The following GPHN variants were observed in gnomAD, a reference collection of about 807,000 sequenced individuals.
GPHN encodes gephyrin.
Under a neutral mutation model 95.5 loss-of-function variants are expected in GPHN, and 17 were observed. That is an observed-to-expected ratio of 0.18 (90% confidence interval 0.12 to 0.27). GPHN has a LOEUF of 0.27. Among genes scored for constraint, GPHN ranks in the 10% least tolerant of loss-of-function variants. GPHN has a pLI of 1.00. For missense variants in GPHN, 660 were observed against 978.1 expected (o/e 0.67, Z 4.34); for synonymous variants, 320 against 322.5 (o/e 0.99, Z 0.08).
the GPHN span, among the ~76,000 whole-genome samples, chr14:67,357,307 G>A: frequency 6.6e-6 from 1 of 152,216 alleles, no homozygotes; most frequent in African/African-American, 2.4e-5. Flanking sequence ...TTTCAGAGCT[G>A]CTCAGTCCTA....
At chr14:67,532,656 C>A in the GPHN span, among the ~76,000 whole-genome samples, 1 of 152,174 alleles carries the variant, frequency 6.6e-6, no homozygotes, top group South Asian at 2.1e-4. Context: ...AGTTCGAGTC[C>A]AGCCTGGGCA....
At chr14:67,214,378 A>C in the GPHN span, among the ~76,000 whole-genome samples, 4 of 152,152 alleles carry the variant, frequency 2.6e-5, no homozygotes, top group African/African-American at 9.7e-5. Context: ...TCAGCTTTCT[A>C]CATATGGCTA....
At chr14:67,279,041 A>T in the GPHN span, 2 of 807,154 alleles carry the variant, frequency 2.5e-6, no homozygotes, top group Admixed American at 3.7e-5. Context: ...ATACTTTTTC[A>T]TAGCATTATT....
At chr14:67,467,796 T>C in the GPHN span, 2 of 151,958 alleles carry the variant, frequency 1.3e-5, no homozygotes, top group Non-Finnish European at 2.9e-5. Flanking sequence ...TGCAGAGAAA[T>C]GTGGTAAATC....
the GPHN span, among the ~76,000 whole-genome samples, chr14:67,391,269 A>ATGTGTGTGTGTG: frequency 1.1e-3 from 152 of 139,636 alleles, 1 homozygote; most frequent in African/African-American, 2.6e-3. Flanking sequence ...TAAGCAGCTG[A>ATGTGTGTGTGTG]TATGTGTGTG....
chr14:67,445,024 G>A, the GPHN span, among the ~76,000 whole-genome samples: 6 of 152,174 alleles, frequency 3.9e-5, no homozygotes, highest in African/African-American at 2.4e-5. Flanking sequence ...GCCTCCCAAA[G>A]TGCTGGGATT....
At chr14:67,156,074 C>T (rs528804854) in intron 18 of GPHN, among the ~76,000 whole-genome samples, 1 of 152,092 alleles carries the variant, frequency 6.6e-6, no homozygotes, top group South Asian at 2.1e-4. Flanking sequence ...CTGTGCGGAC[C>T]TAGACTAAAT....
At chr14:67,412,360 C>G in the GPHN span, among the ~76,000 whole-genome samples, 1 of 152,236 alleles carries the variant, frequency 6.6e-6, no homozygotes, top group East Asian at 1.9e-4. Flanking sequence ...CCTCACTGTT[C>G]CAGTCTCTCT....
At chr14:66,966,182 G>GT (rs1425997201) in intron 9 of GPHN, among the ~76,000 whole-genome samples, 12 of 152,042 alleles carry the variant, frequency 7.9e-5, no homozygotes, top group East Asian at 1.9e-4. Flanking sequence ...TCAAATTATA[G>GT]TTTTTTCTCT....
At chr14:67,170,812 C>A (rs72717324) in intron 21 of GPHN, among the ~76,000 whole-genome samples, 7,744 of 152,320 alleles carry the variant, frequency 0.051, 211 homozygotes, top group Middle Eastern at 0.068. Flanking sequence ...AGTACTGACA[C>A]AACTGCCACT....
At chr14:67,311,204 G>A in the GPHN span, among the ~76,000 whole-genome samples, 1 of 151,788 alleles carries the variant, frequency 6.6e-6, no homozygotes, top group Non-Finnish European at 1.5e-5. Context: ...CCAGCTACTC[G>A]GGAGGCTCAG....
chr14:67,186,754 A>G (rs1487132905), downstream of GPHN, among the ~76,000 whole-genome samples: 1 of 152,226 alleles, frequency 6.6e-6, no homozygotes, highest in African/African-American at 2.4e-5. Flanking sequence ...CCTATTTTCC[A>G]ACCTCATCTG....
intron 12 of GPHN, among the ~76,000 whole-genome samples, chr14:67,097,897 A>AGTT (rs2077480733): frequency 2.6e-5 from 4 of 152,196 alleles, no homozygotes; most frequent in Admixed American, 6.5e-5. Flanking sequence ...AGTACATATA[A>AGTT]ATATACATAC....
chr14:67,030,838 A>G (rs2074158991), intron 10 of GPHN, among the ~76,000 whole-genome samples: 1 of 152,106 alleles, frequency 6.6e-6, no homozygotes, highest in African/African-American at 2.4e-5. Flanking sequence ...TCTCAATAAG[A>G]GTTGATTGGA....
chr14:67,424,597 T>TAAA, the GPHN span, among the ~76,000 whole-genome samples: 95 of 124,850 alleles, frequency 7.6e-4, no homozygotes, highest in African/African-American at 2.4e-3. Context: ...AGACGCTGTT[T>TAAA]AAAAAAAAAA....
At chr14:67,536,011 C>T in the GPHN span, among the ~76,000 whole-genome samples, 1 of 152,308 alleles carries the variant, frequency 6.6e-6, no homozygotes, top group East Asian at 1.9e-4. Context: ...TTATTTAGTG[C>T]CTGAGCTCGT....
the GPHN span, chr14:67,729,673 G>A: frequency 1.7e-6 from 1 of 587,064 alleles, no homozygotes; most frequent in Non-Finnish European, 3.2e-6. Context: ...TTATGCCATG[G>A]AGATCTGGAT....
At chr14:67,591,271 A>G in the GPHN span, among the ~76,000 whole-genome samples, 3 of 152,202 alleles carry the variant, frequency 2.0e-5, no homozygotes, top group South Asian at 4.1e-4. Flanking sequence ...TAAATCCACT[A>G]TTAGCCAGGA....
intron 1 of GPHN, among the ~76,000 whole-genome samples, chr14:66,538,615 CT>C (rs1361360016): frequency 1.3e-5 from 2 of 151,434 alleles, no homozygotes; most frequent in Non-Finnish European, 2.9e-5. Flanking sequence ...AATAGGTTTC[CT>C]TTTTTGTTGA....
Sources: allele counts gnomAD v4.1 joint callset (sites outside exome capture counted in the v4.1 genomes callset), GRCh38; gene constraint gnomAD v4.1.1; transcripts MANE v1.5; gene names NCBI Gene and HGNC (gene_info 2026-07-23, HGNC 2026-07-21).